SHB: variants seen among roughly 807,000 people sequenced by gnomAD.
The protein encoded by SHB is SH2 domain containing adaptor protein B.
Under a neutral mutation model 52.3 loss-of-function variants are expected in SHB, and 20 were observed. That is an observed-to-expected ratio of 0.38 (90% CI 0.27 to 0.56). SHB has a LOEUF of 0.56. Ranked by LOEUF, SHB falls within the 20% of genes least tolerant of loss-of-function variation. The probability of loss-of-function intolerance (pLI) is 0.71; values close to 1 mark genes in which losing one functional copy is unlikely to be tolerated. For synonymous variants in SHB, 397 were observed against 316.5 expected (o/e 1.25, Z -2.70); for missense variants, 825 against 723.3 (o/e 1.14, Z -1.61).
intron 2 of SHB, among the ~76,000 whole-genome samples, chr9:37,982,299 C>T (rs534275523): frequency 1.3e-5 from 2 of 151,776 alleles, no homozygotes; most frequent in South Asian, 4.2e-4. Context: ...TCGAGACCAG[C>T]CTGGCCAACA....
At chr9:38,016,186 T>C in intron 1 of SHB, 55 bp from the exon 2 acceptor site, 1 of 1,599,590 alleles carries the variant, frequency 6.3e-7, no homozygotes, top group East Asian at 2.2e-5. Flanking sequence ...TTGTTTCACA[T>C]CTCTTCACAG....
At chr9:38,055,827 C>T (rs1048586155) in intron 1 of SHB, among the ~76,000 whole-genome samples, 8 of 152,112 alleles carry the variant, frequency 5.3e-5, no homozygotes, top group East Asian at 1.9e-4. Context: ...GGCAGACCAC[C>T]GTGATTGCCT....
In SHB at chr9:37,955,961, G is replaced by A; in HGVS notation, c.1148C>T (p.Pro383Leu). 2 of 1,611,748 alleles carry A rather than the reference G, an allele frequency of 1.2e-6. No homozygotes were observed. Among genetic ancestry groups the A allele is most frequent in the Non-Finnish European group, 1.7e-6 (2 of 1,179,290 alleles). ...GAACTCAGGGCTCCCATGTTTGATA[G>A]GCTTAAAGCCCCCTCCAGGGGCACG... ...QLRAPGGGFK[P>L]IKHGSPEFCG... The change falls in exon 4 of 6, where the codon CCT becomes CTT. Residue 383 changes from proline to leucine, a missense_variant. Pro to Leu is a moderately conservative substitution (Grantham distance 98). Transcript: ENST00000377707.
intron 1 of SHB, among the ~76,000 whole-genome samples, chr9:38,020,054 G>C (rs970191509): frequency 6.6e-5 from 10 of 152,202 alleles, no homozygotes; most frequent in African/African-American, 2.4e-4. Flanking sequence ...GTTAAAGAAA[G>C]GGTCTGGGAG....
chr9:37,924,976 C>G (rs1280732652), intron 5 of SHB, among the ~76,000 whole-genome samples: 1 of 152,238 alleles, frequency 6.6e-6, no homozygotes, highest in Non-Finnish European at 1.5e-5. Context: ...GATCTGGCTT[C>G]CCTGCAGCTT....
chr9:38,061,360 C>G (rs111856083), intron 1 of SHB, among the ~76,000 whole-genome samples: 2 of 151,910 alleles, frequency 1.3e-5, no homozygotes, highest in African/African-American at 4.8e-5. Flanking sequence ...CTACCACCAC[C>G]ATCAACCAAC....
intron 2 of SHB, among the ~76,000 whole-genome samples, chr9:37,990,375 C>T (rs1820867798): frequency 6.6e-6 from 1 of 152,196 alleles, no homozygotes; most frequent in African/African-American, 2.4e-5. Flanking sequence ...TCACCCCACC[C>T]CACCTCTGGG....
chr9:38,000,987 G>A (rs1457323742), intron 2 of SHB, among the ~76,000 whole-genome samples: 1 of 152,212 alleles, frequency 6.6e-6, no homozygotes, highest in African/African-American at 2.4e-5. Context: ...CCAGGGTGGT[G>A]TGAGAATCCA....
intron 2 of SHB, among the ~76,000 whole-genome samples, chr9:37,989,714 C>T (rs1033697139): frequency 6.6e-6 from 1 of 152,210 alleles, no homozygotes; most frequent in Non-Finnish European, 1.5e-5. Context: ...GCCTTTCCAA[C>T]TCTAACGTCA....
chr9:37,940,504 T>C (rs1832423059), intron 5 of SHB, among the ~76,000 whole-genome samples: 1 of 152,198 alleles, frequency 6.6e-6, no homozygotes, highest in African/African-American at 2.4e-5. Context: ...AGCACGCTAA[T>C]TGAGCAGAAA....
At chr9:37,986,688 G>A (rs1820810862) in intron 2 of SHB, among the ~76,000 whole-genome samples, 2 of 152,330 alleles carry the variant, frequency 1.3e-5, no homozygotes, top group Middle Eastern at 3.4e-3. Flanking sequence ...CCCCAGATGT[G>A]GAAATGCTGG....
At chr9:38,024,443 T>TAG (rs1821317136) in intron 1 of SHB, among the ~76,000 whole-genome samples, 1 of 152,218 alleles carries the variant, frequency 6.6e-6, no homozygotes, top group South Asian at 2.1e-4. Flanking sequence ...GCTGCTTGCC[T>TAG]AGACACCTGC....
At chr9:38,045,907 A>G (rs1439394347) in intron 1 of SHB, among the ~76,000 whole-genome samples, 1 of 152,166 alleles carries the variant, frequency 6.6e-6, no homozygotes, top group Non-Finnish European at 1.5e-5. Context: ...AAACACAGAG[A>G]TTACAAGTTA....
At chr9:37,957,299 G>A (rs1173687360) in intron 3 of SHB, among the ~76,000 whole-genome samples, 1 of 152,208 alleles carries the variant, frequency 6.6e-6, no homozygotes, top group Non-Finnish European at 1.5e-5. Context: ...CCAGACACAC[G>A]AAAATCAACC....
intron 1 of SHB, among the ~76,000 whole-genome samples, chr9:38,038,721 G>C (rs1587257875): frequency 6.6e-6 from 1 of 152,258 alleles, no homozygotes; most frequent in Admixed American, 6.5e-5. Flanking sequence ...CCCTACTCGG[G>C]TCATGAGCCA....
At chr9:37,981,408 C>A (rs1248747871) in intron 2 of SHB, among the ~76,000 whole-genome samples, 1 of 152,236 alleles carries the variant, frequency 6.6e-6, no homozygotes, top group Non-Finnish European at 1.5e-5. Context: ...TCAGCCTTCA[C>A]AGAATTGAAG....
chr9:37,948,574 T>C (rs1832521197), intron 5 of SHB, 61 bp downstream of exon 5: 3 of 1,590,910 alleles, frequency 1.9e-6, no homozygotes, highest in Non-Finnish European at 1.7e-6. Context: ...ACAGACACGG[T>C]GGCCGGCTGC....
chr9:37,933,612 G>A (rs893052362), intron 5 of SHB, among the ~76,000 whole-genome samples: 6 of 152,020 alleles, frequency 3.9e-5, no homozygotes, highest in South Asian at 2.1e-4. Flanking sequence ...TTGTAAACTC[G>A]CCCTCTAAGA....
chr9:38,027,455 G>C (rs1460979244), intron 1 of SHB, among the ~76,000 whole-genome samples: 1 of 152,126 alleles, frequency 6.6e-6, no homozygotes, highest in Non-Finnish European at 1.5e-5. Context: ...TTATCCTCTA[G>C]AGGCCACAGG....
Sources: gnomAD v4.1 joint callset for allele counts (sites outside exome capture counted in the v4.1 genomes callset) on GRCh38, gnomAD v4.1.1 for gene constraint, MANE v1.5 for transcripts, NCBI Gene and HGNC (gene_info 2026-07-23, HGNC 2026-07-21) for gene names.